The following KCNMA1 variants were observed in gnomAD, a reference collection of about 807,000 sequenced individuals.
KCNMA1 encodes Calcium-activated potassium channel subunit alpha-1.
A neutral mutation model predicts 140.0 loss-of-function variants in KCNMA1; 29 were observed. The ratio of observed to expected loss-of-function variants is 0.21; its 90% CI spans 0.15 to 0.28. The LOEUF (loss-of-function observed/expected upper bound fraction) is 0.28, where lower values mean the gene tolerates loss of function less well. KCNMA1 is among the 10% of genes least tolerant of loss of function. The pLI is 1.00. For synonymous variants in KCNMA1, 612 were observed against 611.9 expected, an observed-to-expected ratio of 1.00 and a Z score of 0.00; for missense variants, 880 against 1,602.2, an observed-to-expected ratio of 0.55 and a Z score of 7.70.
At chr10:77,319,511 G>A (rs772804081) in intron 2 of KCNMA1, among the ~76,000 whole-genome samples, 18 of 152,036 alleles carry the variant, frequency 1.2e-4, no homozygotes, top group African/African-American at 2.2e-4. Context: ...TCCTTCACTC[G>A]CCCTCCAAAA....
intron 2 of KCNMA1, among the ~76,000 whole-genome samples, chr10:77,283,664 C>T (rs1205150703): frequency 1.3e-5 from 2 of 152,198 alleles, no homozygotes; most frequent in Non-Finnish European, 2.9e-5. Flanking sequence ...TGTTTACAAA[C>T]ACTTCTGTCC....
At chr10:77,289,293 T>G (rs1181479372) in intron 2 of KCNMA1, among the ~76,000 whole-genome samples, 1 of 152,188 alleles carries the variant, frequency 6.6e-6, no homozygotes, top group African/African-American at 2.4e-5. Flanking sequence ...CCCTAAGGCC[T>G]GCATGCCCTA....
intron 1 of KCNMA1, among the ~76,000 whole-genome samples, chr10:77,443,710 A>G (rs73299368): frequency 0.062 from 9,470 of 152,154 alleles, 967 homozygotes; most frequent in African/African-American, 0.21. Context: ...TCTGAGCTCC[A>G]CCTCTAAAGT....
At chr10:77,452,728 G>A (rs562195776) in intron 1 of KCNMA1, among the ~76,000 whole-genome samples, 58 of 152,218 alleles carry the variant, frequency 3.8e-4, no homozygotes, top group African/African-American at 1.3e-3. Flanking sequence ...CCTTTTCTGG[G>A]AATCAGTACT....
chr10:77,472,794 T>C (rs1433698287), intron 1 of KCNMA1, among the ~76,000 whole-genome samples: 6 of 152,222 alleles, frequency 3.9e-5, no homozygotes, highest in Admixed American at 1.3e-4. Flanking sequence ...TGTTTATTCA[T>C]AGGCATCAGT....
chr10:77,247,909 T>G (rs946756866), intron 3 of KCNMA1, among the ~76,000 whole-genome samples: 3 of 152,098 alleles, frequency 2.0e-5, no homozygotes, highest in Non-Finnish European at 4.4e-5. Context: ...GGACAATCTG[T>G]CTTAGCCAGA....
chr10:77,254,948 C>T (rs1428637555), intron 2 of KCNMA1, among the ~76,000 whole-genome samples: 1 of 152,230 alleles, frequency 6.6e-6, no homozygotes, highest in Non-Finnish European at 1.5e-5. Flanking sequence ...CATTGTCCCA[C>T]ACAAGGGCTT....
chr10:77,204,905 T>C (rs772431908), intron 3 of KCNMA1, among the ~76,000 whole-genome samples: 4 of 152,130 alleles, frequency 2.6e-5, no homozygotes, highest in Non-Finnish European at 4.4e-5. Context: ...AGAAGCTGAC[T>C]CACCAAAGAA....
At chr10:77,413,365 C>G (rs2096663837) in intron 1 of KCNMA1, among the ~76,000 whole-genome samples, 1 of 152,166 alleles carries the variant, frequency 6.6e-6, no homozygotes, top group African/African-American at 2.4e-5. Context: ...TCCGTGTCCC[C>G]CCTCCCATGC....
chr10:77,106,843 C>A (rs2097207543), intron 9 of KCNMA1, among the ~76,000 whole-genome samples: 1 of 152,172 alleles, frequency 6.6e-6, no homozygotes, highest in African/African-American at 2.4e-5. Flanking sequence ...GAAATCAGAA[C>A]AGCTTGGTTC....
chr10:77,030,433 C>T (rs559933268), intron 15 of KCNMA1, among the ~76,000 whole-genome samples: 1 of 152,284 alleles, frequency 6.6e-6, no homozygotes, highest in East Asian at 1.9e-4. Context: ...TAACCACTTT[C>T]TAATGTAAAT....
At chr10:77,204,228 T>C (rs998672569) in intron 3 of KCNMA1, among the ~76,000 whole-genome samples, 1 of 152,184 alleles carries the variant, frequency 6.6e-6, no homozygotes, top group Non-Finnish European at 1.5e-5. Context: ...TTCCCGTGTT[T>C]CAGGGGAGTT....
chr10:77,587,932 A>G (rs1376470447), intron 1 of KCNMA1: 1 of 882,894 alleles, frequency 1.1e-6, no homozygotes, highest in African/African-American at 1.8e-5. Flanking sequence ...TTGGAGACAT[A>G]AGCAGAGTCC....
chr10:77,356,948 T>G (rs1304809773), intron 2 of KCNMA1, among the ~76,000 whole-genome samples: 1 of 152,150 alleles, frequency 6.6e-6, no homozygotes, highest in East Asian at 1.9e-4. Context: ...TGTCTATATA[T>G]AAAAGAGAAT....
chr10:77,256,409 G>A (rs1036207513), intron 2 of KCNMA1, among the ~76,000 whole-genome samples: 1 of 152,164 alleles, frequency 6.6e-6, no homozygotes, highest in African/African-American at 2.4e-5. Flanking sequence ...ATCATGAGCT[G>A]GGGGAGGGGA....
intron 1 of KCNMA1, among the ~76,000 whole-genome samples, 178 bp from the exon 2 acceptor site, chr10:77,404,201 T>C (rs2096384197): frequency 6.6e-6 from 1 of 152,202 alleles, no homozygotes; most frequent in Non-Finnish European, 1.5e-5. Context: ...AGCCTTTATT[T>C]AAAAAAGAAT....
At chr10:77,422,945 A>T (rs2096898390) in intron 1 of KCNMA1, among the ~76,000 whole-genome samples, 1 of 152,226 alleles carries the variant, frequency 6.6e-6, no homozygotes, top group South Asian at 2.1e-4. Context: ...GTTTTAAGTC[A>T]ACCCCGTTGT....
At chr10:76,873,375 G>A (rs367639285), downstream of KCNMA1, 15 of 152,086 alleles carry the variant, frequency 9.9e-5, no homozygotes, top group South Asian at 8.3e-4. Context: ...TCCAAATAGC[G>A]TCATCACCTC....
chr10:77,631,955 C>T (rs2093268290), intron 1 of KCNMA1, among the ~76,000 whole-genome samples: 1 of 152,180 alleles, frequency 6.6e-6, no homozygotes, highest in Non-Finnish European at 1.5e-5. Flanking sequence ...AAAACCACCC[C>T]ATGAGGCTGT....
Sources: gnomAD v4.1 joint callset for allele counts (sites outside exome capture counted in the v4.1 genomes callset) on GRCh38, gnomAD v4.1.1 for gene constraint, MANE v1.5 for transcripts, NCBI Gene and HGNC (gene_info 2026-07-23, HGNC 2026-07-21) for gene names.